Variants in C1orf87 observed in about 807,000 individuals in gnomAD.
C1orf87 encodes the protein chromosome 1 open reading frame 87, also known as uncharacterized protein C1orf87.
In C1orf87, 58 loss-of-function variants were observed where a neutral mutation model predicts 60.5. That is an observed-to-expected ratio of 0.96 (90% CI 0.78 to 1.19). C1orf87 has a LOEUF of 1.19. Ranked by LOEUF, C1orf87 falls within the 50% of genes most tolerant of loss-of-function variation. The pLI is 0.00. For missense variants in C1orf87, 673 were observed against 638.6 expected (o/e 1.05, Z -0.58); for synonymous variants, 236 against 227.4 (o/e 1.04, Z -0.34).
intron 3 of C1orf87, among the ~76,000 whole-genome samples, chr1:60,050,422 C>A (rs188274909): frequency 6.6e-6 from 1 of 150,754 alleles, no homozygotes; most frequent in African/African-American, 2.4e-5. Flanking sequence ...GTAAATGGTG[C>A]CTTTTCCTCC....
intron 10 of C1orf87, among the ~76,000 whole-genome samples, chr1:60,000,492 T>C (rs1030526639): frequency 3.9e-5 from 6 of 152,104 alleles, no homozygotes; most frequent in African/African-American, 1.4e-4. Context: ...AGATGAATTA[T>C]GTTCTAATCC....
chr1:59,997,879 C>G (rs187377929), intron 10 of C1orf87, 63 bp from the exon 11 acceptor site: 1 of 1,510,556 alleles, frequency 6.6e-7, no homozygotes, highest in African/African-American at 1.4e-5. Context: ...AATCTCTTGG[C>G]CAAAGATGAG....
intron 3 of C1orf87, among the ~76,000 whole-genome samples, chr1:60,054,214 T>C (rs1026739571): frequency 1.3e-5 from 2 of 152,196 alleles, no homozygotes; most frequent in African/African-American, 4.8e-5. Flanking sequence ...GACAGCTCAA[T>C]CTGTGTCACT....
chr1:60,037,295 G>T lies in C1orf87; in HGVS notation c.863+697C>A, dbSNP rs190437469. Among the ~76,000 whole-genome samples the T allele has an allele frequency of 6.2e-3, 945 of 152,316 alleles. 17 individuals carry two copies. The highest frequency in any genetic ancestry group is 6.2e-3 in the Non-Finnish European group (422 of 68,024). On this transcript the variant is annotated intron_variant, in intron 6 of 11. Coordinates refer to ENST00000371201, the MANE Select transcript of C1orf87 (RefSeq NM_152377.3). ...TCAGAAGGCTGGGCCTGTGGGATTT[G>T]GTCACGAGGGTGGAGTCCTCATGAG...
intron 2 of C1orf87, among the ~76,000 whole-genome samples, chr1:60,060,977 G>C (rs577793083): frequency 4.6e-5 from 7 of 152,140 alleles, no homozygotes; most frequent in Non-Finnish European, 1.0e-4. Flanking sequence ...CAAAATGACT[G>C]TGCAACTGCC....
chr1:60,001,045 TC>T (rs1557455849), intron 10 of C1orf87, 31 bp downstream of exon 10: 1 of 1,564,834 alleles, frequency 6.4e-7, no homozygotes, highest in South Asian at 1.1e-5. Context: ...ATGAAAACCT[TC>T]CCCCAAACTC....
At chr1:60,026,587 CAAG>C (rs2100277528) in intron 7 of C1orf87, among the ~76,000 whole-genome samples, 1 of 149,028 alleles carries the variant, frequency 6.7e-6, no homozygotes, top group African/African-American at 2.5e-5. Context: ...AGTGGGGTAT[CAAG>C]GAAGGAAGGA....
At chr1:59,995,467 C>A (rs1403346662) in intron 11 of C1orf87, among the ~76,000 whole-genome samples, 1 of 152,160 alleles carries the variant, frequency 6.6e-6, no homozygotes, top group African/African-American at 2.4e-5. Context: ...AATAGGTTCT[C>A]AACTTTACTG....
At chr1:60,011,649 C>T (rs574450349) in intron 8 of C1orf87, among the ~76,000 whole-genome samples, 3 of 152,046 alleles carry the variant, frequency 2.0e-5, no homozygotes, top group Non-Finnish European at 4.4e-5. Flanking sequence ...CATCAGAAGA[C>T]GTCAAGTGAA....
At chr1:60,053,728 TCTC>T (rs1030582495) in intron 3 of C1orf87, among the ~76,000 whole-genome samples, 4 of 152,110 alleles carry the variant, frequency 2.6e-5, no homozygotes, top group Admixed American at 1.3e-4. Context: ...TTATTTATAT[TCTC>T]CTGTTTTTCA....
At chr1:60,019,527 A>C (rs754055710) in intron 8 of C1orf87, among the ~76,000 whole-genome samples, 25 of 152,322 alleles carry the variant, frequency 1.6e-4, no homozygotes, top group Admixed American at 6.5e-4. Context: ...TGACTTTGGA[A>C]CTGGGTAATG....
intron 8 of C1orf87, among the ~76,000 whole-genome samples, chr1:60,016,652 G>A (rs987000118): frequency 6.6e-6 from 1 of 152,230 alleles, no homozygotes; most frequent in Non-Finnish European, 1.5e-5. Flanking sequence ...CAGGTTGCCA[G>A]CTAGGACTCA....
At chr1:60,025,578 G>A in intron 7 of C1orf87, 80 bp from the exon 8 acceptor site, 1 of 1,098,106 alleles carries the variant, frequency 9.1e-7, no homozygotes, top group Non-Finnish European at 1.3e-6. Flanking sequence ...ATTAATATTT[G>A]TTTTTTCTCA....
At chr1:59,991,751 T>C (rs994723568) in intron 11 of C1orf87, among the ~76,000 whole-genome samples, 1 of 152,144 alleles carries the variant, frequency 6.6e-6, no homozygotes, top group Non-Finnish European at 1.5e-5. Context: ...TACCCACACA[T>C]TATATATGCC....
chr1:60,068,403 C>T (rs1415976226), intron 2 of C1orf87, among the ~76,000 whole-genome samples: 1 of 152,136 alleles, frequency 6.6e-6, no homozygotes. Context: ...AACAATTTGT[C>T]TATCTTCCTT....
intron 11 of C1orf87, among the ~76,000 whole-genome samples, chr1:59,993,432 T>C (rs1384984383): frequency 6.6e-6 from 1 of 152,120 alleles, no homozygotes; most frequent in Non-Finnish European, 1.5e-5. Flanking sequence ...ATCAACATTA[T>C]TTTAAAAATA....
chr1:60,051,950 G>A (rs1008905750), intron 3 of C1orf87, among the ~76,000 whole-genome samples: 2 of 152,172 alleles, frequency 1.3e-5, no homozygotes, highest in Non-Finnish European at 2.9e-5. Flanking sequence ...CAGACCACCA[G>A]AAGTACAAGA....
chr1:60,040,308 CA>C, intron 4 of C1orf87, 128 bp from the exon 5 acceptor site: 2 of 1,198,344 alleles, frequency 1.7e-6, no homozygotes, highest in Non-Finnish European at 1.2e-6. Flanking sequence ...TGGAGCAGGA[CA>C]AGTCTGTGGC....
At chr1:59,998,336 A>T (rs1197051751) in intron 10 of C1orf87, among the ~76,000 whole-genome samples, 1 of 152,234 alleles carries the variant, frequency 6.6e-6, no homozygotes. Flanking sequence ...GCTGGGGCCC[A>T]GAAAGTACAA....
Sources: allele counts gnomAD v4.1 joint callset (sites outside exome capture counted in the v4.1 genomes callset), GRCh38; gene constraint gnomAD v4.1.1; transcripts MANE v1.5; gene names NCBI Gene and HGNC (gene_info 2026-07-23, HGNC 2026-07-21).